DNAI4: variants seen among roughly 807,000 people sequenced by gnomAD.
DNAI4 encodes the protein dynein axonemal intermediate chain 4.
In DNAI4, 85 loss-of-function variants were observed where a neutral mutation model predicts 105.8. That is an observed-to-expected ratio of 0.80 (90% CI 0.67 to 0.96). The LOEUF (loss-of-function observed/expected upper bound fraction) is 0.96, where lower values mean the gene tolerates loss of function less well. Among genes scored for constraint, DNAI4 ranks in the 40% least tolerant of loss-of-function variants. The probability of loss-of-function intolerance (pLI) is 0.00; values close to 1 mark genes in which losing one functional copy is unlikely to be tolerated. For missense variants in DNAI4, 1,014 were observed against 1,005.6 expected, an observed-to-expected ratio of 1.01 and a Z score of -0.11; for synonymous variants, 352 against 331.5, an observed-to-expected ratio of 1.06 and a Z score of -0.67.
rs144971268 is a variant in DNAI4 at position 66,905,295 on chromosome 1, G to T, written c.251C>A (p.Ala84Glu). Residue 84 changes from alanine (A) to glutamate (E), a missense_variant, in exon 2 of 17, where the codon GCA (alanine) becomes GAA (glutamate). Ala to Glu is a moderately radical substitution (Grantham distance 107, BLOSUM62 -1). Coordinates refer to ENST00000371026, the MANE Select transcript of DNAI4 (RefSeq NM_024763.5). ...GGACACAGCCATTCTGCTTTGATTT[G>T]CACCAGTATATCCTTTCACTGAAGT... Reference protein sequence around the residue: ...KATSVKGYTGANQSRMAVSKT... With the variant: ...KATSVKGYTGENQSRMAVSKT... 1.1e-4 allele frequency: 179 copies of T among 1,579,932 alleles called. No individual in the cohort carries two copies. The highest frequency in any genetic ancestry group is 1.5e-4 in the Non-Finnish European group (174 of 1,157,348).
intron 1 of DNAI4, among the ~76,000 whole-genome samples, chr1:66,923,294 A>G (rs1286124288): frequency 6.6e-6 from 1 of 152,236 alleles, no homozygotes; most frequent in East Asian, 1.9e-4. Flanking sequence ...ACAGTCTACT[A>G]TACAATTGTA....
intron 7 of DNAI4, among the ~76,000 whole-genome samples, chr1:66,859,063 T>C (rs1426946942): frequency 2.6e-5 from 4 of 152,114 alleles, no homozygotes; most frequent in Non-Finnish European, 5.9e-5. Context: ...AGAGAAGCCA[T>C]AGACTAGGAG....
intron 4 of DNAI4, among the ~76,000 whole-genome samples, chr1:66,875,805 AC>A (rs1196491642): frequency 6.6e-6 from 1 of 152,132 alleles, no homozygotes; most frequent in Non-Finnish European, 1.5e-5. Context: ...CTAAAAAAAA[AC>A]AAGTTATTAA....
At chr1:66,912,671 G>A (rs1250022258) in intron 1 of DNAI4, among the ~76,000 whole-genome samples, 1 of 152,094 alleles carries the variant, frequency 6.6e-6, no homozygotes, top group Non-Finnish European at 1.5e-5. Flanking sequence ...ATGTTTCCAG[G>A]ACTTCCTGAG....
intron 8 of DNAI4, among the ~76,000 whole-genome samples, chr1:66,845,190 C>CAAAAAAAAAAAAAAAAAAAAAAA (rs59265844): frequency 9.4e-6 from 1 of 106,324 alleles, no homozygotes; most frequent in Non-Finnish European, 1.8e-5. Context: ...AACTCCATCT[C>CAAAAAAAAAAAAAAAAAAAAAAA]AAAAAAAAAA....
At chr1:66,904,782 G>A (rs1274042562) in intron 2 of DNAI4, 1 of 161,816 alleles carries the variant, frequency 6.2e-6, no homozygotes, top group Non-Finnish European at 1.3e-5. Flanking sequence ...ATGCTTTTCT[G>A]TATATATATA....
chr1:66,863,346 A>C (rs901964978), intron 6 of DNAI4, among the ~76,000 whole-genome samples: 1 of 152,216 alleles, frequency 6.6e-6, no homozygotes, highest in Non-Finnish European at 1.5e-5. Flanking sequence ...TAATAAATGC[A>C]GCCTCTTAAT....
At chr1:66,823,687 T>C (rs1416966624) in intron 15 of DNAI4, among the ~76,000 whole-genome samples, 1 of 146,818 alleles carries the variant, frequency 6.8e-6, no homozygotes, top group East Asian at 2.0e-4. Context: ...TCATGTGTTT[T>C]TTGGCTGCAT....
rs1488114143 is a variant in DNAI4 at position 66,847,554 on chromosome 1, C to A, written c.1221G>T (p.Met407Ile). 6.2e-7 allele frequency: 1 copy of A among 1,613,960 alleles called. No homozygotes were observed. The highest frequency in any genetic ancestry group is 1.7e-5 in the Admixed American group (1 of 59,992). ...ATATATTTTCCATCAGAACCCGTTC[C>A]ATAAAAAATAAGTCCTGATGAAATT... is the stretch of plus-strand genomic sequence containing the variant. ...SDKFHQDLFF[M>I]ERVLMENIFQ... The change falls in exon 8 of 17, where the codon ATG (methionine) becomes ATT (isoleucine). Residue 407 changes from methionine to isoleucine, a missense_variant. By Grantham distance (10) the Met-to-Ile change is conservative. Coordinates refer to ENST00000371026, the MANE Select transcript of DNAI4 (RefSeq NM_024763.5).
At chr1:66,816,140 C>G (rs1414872825) in intron 16 of DNAI4, among the ~76,000 whole-genome samples, 8 of 151,938 alleles carry the variant, frequency 5.3e-5, no homozygotes, top group African/African-American at 1.4e-4. Flanking sequence ...AAGTCCCTGT[C>G]TGTACAAAAA....
At chr1:66,877,836 G>A (rs370959991) in intron 4 of DNAI4, among the ~76,000 whole-genome samples, 2 of 152,218 alleles carry the variant, frequency 1.3e-5, no homozygotes, top group East Asian at 1.9e-4. Flanking sequence ...CCTTCAATTT[G>A]TGATTTTCTG....
At chr1:66,871,630 G>C in intron 5 of DNAI4, 121 bp from the exon 6 acceptor site, 1 of 990,910 alleles carries the variant, frequency 1.0e-6, no homozygotes, top group South Asian at 2.2e-5. Context: ...AAAAAGTGAA[G>C]TGAGACTTCA....
chr1:66,873,370 C>T (rs985367020), intron 5 of DNAI4, among the ~76,000 whole-genome samples: 4 of 151,860 alleles, frequency 2.6e-5, no homozygotes, highest in African/African-American at 4.8e-5. Context: ...CTCAGCCTCC[C>T]GAGCAGCTGG....
Position 66,847,677 on chromosome 1 carries a change from A to G in DNAI4, c.1098T>C (p.Asn366=). 1 of 1,592,440 alleles carries G rather than the reference A, an allele frequency of 6.3e-7. No individual in the cohort carries two copies. The highest frequency in any genetic ancestry group is 8.6e-7 in the Non-Finnish European group (1 of 1,167,776). Residue 366 remains asparagine (N), a splice_region_variant and synonymous_variant, in exon 8 of 17, where the codon AAT becomes AAC. Transcript: ENST00000371026. ...QRLPGSTTEK[N]SETSSLMDIE... is the part of the protein sequence containing the mutation. The stretch of plus-strand genomic sequence containing the variant: ...TGTCCATTAGAGAACTAGTTTCACT[A>G]TCTACAAAATACAAACATGATACAA...
At position 66,823,861 on chromosome 1, in the gene DNAI4, T is replaced by C. The variant is rs1441941623; in HGVS notation, c.2340-1344A>G. Among the ~76,000 whole-genome samples the C allele has an allele frequency of 2.1e-3, 323 of 150,680 alleles. 3 individuals carry two copies. Among genetic ancestry groups the C allele is most frequent in the African/African-American group, 7.4e-3 (302 of 40,794 alleles). On this transcript the variant is annotated intron_variant, in intron 15 of 16. Coordinates refer to ENST00000371026, the MANE Select transcript of DNAI4 (RefSeq NM_024763.5). ...AAATTTTCTCCCATTTTGTAGGTTG[T>C]CTGTTCACTCTGATGGTAGTTTCTT...
chr1:66,822,773 G>T (rs1384904677), intron 15 of DNAI4, among the ~76,000 whole-genome samples: 1 of 152,082 alleles, frequency 6.6e-6, no homozygotes, highest in African/African-American at 2.4e-5. Context: ...AAACTTCTGT[G>T]ATGGTTAATT....
In DNAI4 at chr1:66,890,608, A is replaced by C. The variant is rs1158438925; in HGVS notation, c.643+546T>G. 2 of 184,588 alleles carry C rather than the reference A, an allele frequency of 1.1e-5. No individual in the cohort carries two copies. The highest frequency in any genetic ancestry group is 2.4e-5 in the African/African-American group (1 of 41,504). 11.4% of individuals were successfully genotyped at this position (184,588 alleles called of 1,614,324 possible). On this transcript the variant is annotated intron_variant, in intron 4 of 16. Transcript: ENST00000371026. This position sits in a 1 kb window ranked among gnomAD's most constrained non-coding sequence, Gnocchi z 4.1. Reference sequence around the variant, plus strand: ...AGCAAGACTCTGTCTCAAAATAAAAAAAAAGAGGAAAGAAGAAAGAAGAAG... The same window carrying C: ...AGCAAGACTCTGTCTCAAAATAAAACAAAAGAGGAAAGAAGAAAGAAGAAG...
chr1:66,920,584 A>C (rs1022846625), intron 1 of DNAI4, among the ~76,000 whole-genome samples: 2 of 152,106 alleles, frequency 1.3e-5, no homozygotes, highest in South Asian at 4.1e-4. Context: ...GAAGGTGCCC[A>C]AAAGCACTCA....
Position 66,862,293 on chromosome 1 carries a change from G to A in DNAI4, c.950C>T (p.Ser317Phe). The A allele has an allele frequency of 1.2e-6, 2 of 1,606,400 alleles. No individual in the cohort carries two copies. Among genetic ancestry groups the A allele is most frequent in the Non-Finnish European group, 8.5e-7 (1 of 1,177,816 alleles). ...KIIMEDKGIM[S>F]TAWDLYDSYN... ...AGAATCATACAAATCCCAGGCAGTG[G>A]ACATTATGCCTAGATAAAGACACAG... Residue 317 changes from serine (S) to phenylalanine (F), a missense_variant, in exon 7 of 17, where the codon TCC (serine) becomes TTC (phenylalanine). Transcript: ENST00000371026.
Sources: gnomAD v4.1 joint callset for allele counts (sites outside exome capture counted in the v4.1 genomes callset) on GRCh38, gnomAD v4.1.1 for gene constraint, Gnocchi (gnomAD v3.1) non-coding constraint, MANE v1.5 for transcripts, NCBI Gene and HGNC (gene_info 2026-07-23, HGNC 2026-07-21) for gene names.